The following MYO5A variants were observed in gnomAD, a reference collection of about 807,000 sequenced individuals.
MYO5A encodes unconventional myosin-Va.
A neutral mutation model predicts 249.7 loss-of-function variants in MYO5A; 98 were observed. The ratio of observed to expected loss-of-function variants is 0.39; its 90% CI spans 0.33 to 0.46. The LOEUF is 0.46. Among genes scored for constraint, MYO5A ranks in the 20% least tolerant of loss-of-function variants. The pLI, the probability that MYO5A is intolerant of heterozygous loss-of-function variation, is 0.98. For synonymous variants in MYO5A, 778 were observed against 810.6 expected (o/e 0.96, Z 0.68); for missense variants, 1,696 against 2,308.8 (o/e 0.73, Z 5.44).
At chr15:52,337,586 T>A (rs539360134) in intron 33 of MYO5A, among the ~76,000 whole-genome samples, 9 of 152,368 alleles carry the variant, frequency 5.9e-5, no homozygotes, top group African/African-American at 2.2e-4. Context: ...TTTGCTTCCA[T>A]CACACTGTAA....
intron 2 of MYO5A, among the ~76,000 whole-genome samples, chr15:52,431,428 ATAAAG>A (rs2075534083): frequency 6.6e-6 from 1 of 152,034 alleles, no homozygotes; most frequent in African/African-American, 2.4e-5. Context: ...AAACATAGAC[ATAAAG>A]TAAGTATAGA....
At chr15:52,323,291 AT>A (rs2038419786) in intron 37 of MYO5A, 63 bp downstream of exon 37, 3 of 1,451,794 alleles carry the variant, frequency 2.1e-6, no homozygotes, top group Admixed American at 1.7e-5. Flanking sequence ...GTGCTTTTAC[AT>A]TTTTTCCTTA....
intron 33 of MYO5A, among the ~76,000 whole-genome samples, chr15:52,337,609 T>C (rs967431124): frequency 2.0e-5 from 3 of 152,218 alleles, no homozygotes; most frequent in African/African-American, 7.2e-5. Flanking sequence ...CTAGTGTTAA[T>C]AACAAACCAA....
At chr15:52,426,322 T>G (rs1000117555) in intron 3 of MYO5A, among the ~76,000 whole-genome samples, 12 of 152,108 alleles carry the variant, frequency 7.9e-5, no homozygotes, top group African/African-American at 2.4e-4. Flanking sequence ...AAAGAGTTTT[T>G]TTTTTTTTTT....
chr15:52,468,020 A>C (rs998348843), intron 1 of MYO5A, among the ~76,000 whole-genome samples: 2 of 152,254 alleles, frequency 1.3e-5, no homozygotes, highest in Non-Finnish European at 2.9e-5. Context: ...AGAAAAAAAC[A>C]GGTAGCGAAC....
At chr15:52,453,099 A>T (rs2076052594) in intron 1 of MYO5A, among the ~76,000 whole-genome samples, 1 of 152,158 alleles carries the variant, frequency 6.6e-6, no homozygotes, top group African/African-American at 2.4e-5. Flanking sequence ...CATACATTTG[A>T]CCCAAATGAG....
At chr15:52,476,606 A>C (rs1438707088) in intron 1 of MYO5A, among the ~76,000 whole-genome samples, 4 of 152,218 alleles carry the variant, frequency 2.6e-5, no homozygotes, top group Non-Finnish European at 5.9e-5. Context: ...AAAATCTCTC[A>C]GCATTTGCTT....
chr15:52,317,171 ATT>A lies in MYO5A; in HGVS notation c.5284_5285del (p.Asn1762Ter), dbSNP rs752755072. The A allele has an allele frequency of 6.2e-7, 1 of 1,614,110 alleles. No individual in the cohort carries two copies. The highest frequency in any genetic ancestry group is 8.5e-7 in the Non-Finnish European group (1 of 1,180,012). On this transcript the variant is annotated frameshift_variant, in exon 40 of 42. Transcript: ENST00000399233. LOFTEE classifies it high-confidence loss of function. ...EEWLRDKNLM[N>X]SGAKETLEPL... ...GTTCCAGGGTTTCTTTAGCCCCACTATTCATCAGATTCTTGTCACGCAGCCAT... is the reference window on the plus strand; with the variant it reads ...GTTCCAGGGTTTCTTTAGCCCCACTACATCAGATTCTTGTCACGCAGCCAT...
chr15:52,397,049 C>T (rs896716632), intron 10 of MYO5A, 152 bp downstream of exon 10: 4 of 904,468 alleles, frequency 4.4e-6, no homozygotes, highest in Non-Finnish European at 6.8e-6. Context: ...CACGCAATTG[C>T]ATCACCATCA....
chr15:52,357,104 G>A (rs879116645), intron 25 of MYO5A, among the ~76,000 whole-genome samples: 3 of 151,884 alleles, frequency 2.0e-5, no homozygotes, highest in Admixed American at 6.6e-5. Flanking sequence ...GCCTCAACAC[G>A]AAATCACCAC....
chr15:52,398,619 A>C (rs1411794447), intron 9 of MYO5A, among the ~76,000 whole-genome samples: 1 of 152,190 alleles, frequency 6.6e-6, no homozygotes, highest in Non-Finnish European at 1.5e-5. Context: ...TTAGATACAA[A>C]TCAGCACCAC....
intron 30 of MYO5A, among the ~76,000 whole-genome samples, chr15:52,345,526 A>C (rs943407505): frequency 1.3e-5 from 2 of 151,726 alleles, no homozygotes; most frequent in African/African-American, 2.4e-5. Flanking sequence ...CGGAGGTTGC[A>C]GTGAGCTGAG....
intron 1 of MYO5A, among the ~76,000 whole-genome samples, chr15:52,437,489 G>A (rs2075689643): frequency 6.6e-6 from 1 of 151,548 alleles, no homozygotes; most frequent in African/African-American, 2.4e-5. Flanking sequence ...CAGCTACTCA[G>A]GAGGCTGAGG....
chr15:52,342,174 A>C (rs1330726964), intron 31 of MYO5A, among the ~76,000 whole-genome samples: 3 of 152,018 alleles, frequency 2.0e-5, no homozygotes, highest in Admixed American at 2.0e-4. Flanking sequence ...TGGGCAACCA[A>C]GTGAAACCCT....
intron 25 of MYO5A, among the ~76,000 whole-genome samples, chr15:52,358,202 A>G (rs575647354): frequency 6.6e-6 from 1 of 152,302 alleles, no homozygotes; most frequent in Admixed American, 6.5e-5. Flanking sequence ...AGAGCTACAG[A>G]CTGGTTTCCG....
chr15:52,517,412 C>CGGT (rs1188583332), intron 1 of MYO5A, among the ~76,000 whole-genome samples: 3 of 152,106 alleles, frequency 2.0e-5, no homozygotes, highest in African/African-American at 7.2e-5. Flanking sequence ...GGGCTGGGGG[C>CGGT]GGTGGCTCAC....
chr15:52,509,247 C>T (rs1193463786), intron 1 of MYO5A, among the ~76,000 whole-genome samples: 1 of 152,170 alleles, frequency 6.6e-6, no homozygotes, highest in Non-Finnish European at 1.5e-5. Context: ...GTTGGGATTA[C>T]AGGCATTAGA....
chr15:52,527,338 G>T (rs1370484371), intron 1 of MYO5A, among the ~76,000 whole-genome samples: 1 of 152,180 alleles, frequency 6.6e-6, no homozygotes, highest in Non-Finnish European at 1.5e-5. Context: ...AAGTGTTTAA[G>T]TTACTTTTAA....
intron 9 of MYO5A, 109 bp from the exon 10 acceptor site, chr15:52,397,575 T>G: frequency 3.1e-6 from 4 of 1,273,536 alleles, no homozygotes; most frequent in Non-Finnish European, 4.5e-6. Context: ...TTCTTTGTTA[T>G]AACAAACACC....
Sources: allele counts gnomAD v4.1 joint callset (sites outside exome capture counted in the v4.1 genomes callset), GRCh38; gene constraint gnomAD v4.1.1; transcripts MANE v1.5; gene names NCBI Gene and HGNC (gene_info 2026-07-23, HGNC 2026-07-21).